Variants in PIERCE1 observed in about 807,000 individuals in gnomAD.
The protein encoded by PIERCE1 is piercer of microtubule wall 1 protein.
At chr9:135,496,858 C>T in the PIERCE1 span, among the ~76,000 whole-genome samples, 1 of 141,490 alleles carries the variant, frequency 7.1e-6, no homozygotes, top group African/African-American at 2.7e-5. Context: ...CGTGCAATGG[C>T]GCCATCTCAG....
At chr9:135,495,589 T>G in the PIERCE1 span, 3 of 1,613,544 alleles carry the variant, frequency 1.9e-6, no homozygotes, top group Non-Finnish European at 2.5e-6. Flanking sequence ...GTTGGGAAAA[T>G]TTATTCGAAT....
the PIERCE1 span, chr9:135,498,710 G>A: frequency 6.5e-7 from 1 of 1,542,154 alleles, no homozygotes; most frequent in African/African-American, 1.4e-5. This position sits in a 1 kb window ranked among gnomAD's most constrained non-coding sequence, Gnocchi z 4.1. Flanking sequence ...CTCTAATTCT[G>A]CACAAGCCAC....
the PIERCE1 span, chr9:135,498,485 C>A: frequency 6.2e-6 from 6 of 967,194 alleles, no homozygotes; most frequent in South Asian, 5.8e-5. This position sits in a 1 kb window ranked among gnomAD's most constrained non-coding sequence, Gnocchi z 4.1. Context: ...GTGCACCCCT[C>A]CCCGTCTCAT....
the PIERCE1 span, among the ~76,000 whole-genome samples, chr9:135,496,240 C>T: frequency 4.6e-5 from 7 of 152,214 alleles, no homozygotes; most frequent in South Asian, 1.5e-3. Flanking sequence ...TTGCTTGAAC[C>T]GGGGAGGCGG....
chr9:135,496,043 G>A, the PIERCE1 span, among the ~76,000 whole-genome samples: 8 of 152,350 alleles, frequency 5.3e-5, no homozygotes, highest in East Asian at 1.3e-3. Context: ...GGCTGGGTGC[G>A]GTGGCTCACG....
chr9:135,498,713 C>G, the PIERCE1 span: 82 of 1,508,642 alleles, frequency 5.4e-5, no homozygotes, highest in South Asian at 9.5e-4. This position sits in a 1 kb window ranked among gnomAD's most constrained non-coding sequence, Gnocchi z 4.1. Context: ...TAATTCTGCA[C>G]AAGCCACAGC....
At chr9:135,496,506 T>C in the PIERCE1 span, among the ~76,000 whole-genome samples, 1 of 152,338 alleles carries the variant, frequency 6.6e-6, no homozygotes, top group South Asian at 2.1e-4. Flanking sequence ...TGATGTTTCA[T>C]CTCCTTGGCA....
the PIERCE1 span, chr9:135,499,825 G>A: frequency 6.2e-7 from 1 of 1,601,174 alleles, no homozygotes; most frequent in South Asian, 1.1e-5. Context: ...CAGGCTCCGC[G>A]CACGCTCTGG....
At chr9:135,499,760 CTCA>C in the PIERCE1 span, 1 of 1,607,426 alleles carries the variant, frequency 6.2e-7, no homozygotes, top group African/African-American at 1.3e-5. Context: ...CAGGTCCGCG[CTCA>C]CGCGGTAGTA....
chr9:135,499,410 G>T, the PIERCE1 span: 1 of 645,806 alleles, frequency 1.5e-6, no homozygotes, highest in Admixed American at 2.1e-5. Flanking sequence ...GCCCCGCAGC[G>T]GAGTTTCAGG....
At chr9:135,499,782 T>A in the PIERCE1 span, 2 of 1,606,362 alleles carry the variant, frequency 1.2e-6, no homozygotes, top group South Asian at 1.1e-5. Context: ...TAGTCGCTGG[T>A]CCTCTCCGGC....
chr9:135,498,702 C>T, the PIERCE1 span: 1 of 1,568,752 alleles, frequency 6.4e-7, no homozygotes, highest in Non-Finnish European at 8.8e-7. The surrounding 1 kb of genome is among the most constrained non-coding windows in gnomAD (Gnocchi z 4.1). Context: ...TTCATTTACT[C>T]TAATTCTGCA....
chr9:135,495,436 G>A, the PIERCE1 span: 2 of 1,613,490 alleles, frequency 1.2e-6, no homozygotes, highest in Non-Finnish European at 1.7e-6. Flanking sequence ...CTCAATCGCA[G>A]ATGGATGGCC....
chr9:135,496,921 C>T, the PIERCE1 span, among the ~76,000 whole-genome samples: 1 of 152,190 alleles, frequency 6.6e-6, no homozygotes, highest in East Asian at 1.9e-4. Context: ...CTCAGCCTCC[C>T]AAGCAGCTGG....
At chr9:135,498,369 C>T in the PIERCE1 span, among the ~76,000 whole-genome samples, 1 of 152,050 alleles carries the variant, frequency 6.6e-6, no homozygotes, top group Non-Finnish European at 1.5e-5. This position sits in a 1 kb window ranked among gnomAD's most constrained non-coding sequence, Gnocchi z 4.1. Flanking sequence ...ACACTCCACT[C>T]CCAAATTCAT....
the PIERCE1 span, chr9:135,499,511 C>A: frequency 1.3e-6 from 1 of 783,346 alleles, no homozygotes; most frequent in African/African-American, 1.7e-5. Flanking sequence ...CCCCCACTGC[C>A]CTTATCCCCA....
chr9:135,498,525 A>T, the PIERCE1 span: 2 of 1,475,248 alleles, frequency 1.4e-6, no homozygotes, highest in Admixed American at 1.7e-5. The surrounding 1 kb of genome is among the most constrained non-coding windows in gnomAD (Gnocchi z 4.1). Flanking sequence ...CCAGGTTTTT[A>T]GCCTCTTCTT....
chr9:135,496,963 C>CTTTTTGTA, the PIERCE1 span, among the ~76,000 whole-genome samples: 2,850 of 152,038 alleles, frequency 0.019, 83 homozygotes, highest in African/African-American at 0.064. Context: ...TGCCCGGCTA[C>CTTTTTGTA]TTTTTGTATT....
chr9:135,496,248 C>T, the PIERCE1 span, among the ~76,000 whole-genome samples: 3 of 152,198 alleles, frequency 2.0e-5, no homozygotes, highest in East Asian at 1.9e-4. Flanking sequence ...ACCGGGGAGG[C>T]GGAGCTTGCA....
Sources: allele counts gnomAD v4.1 joint callset (sites outside exome capture counted in the v4.1 genomes callset), GRCh38; gene constraint gnomAD v4.1.1; non-coding constraint Gnocchi (gnomAD v3.1); transcripts MANE v1.5; gene names NCBI Gene and HGNC (gene_info 2026-07-23, HGNC 2026-07-21).